FBLN7: variants seen among roughly 807,000 people sequenced by gnomAD.
The protein encoded by FBLN7 is fibulin-7.
A neutral mutation model predicts 44.0 loss-of-function variants in FBLN7; 31 were observed. The ratio of observed to expected loss-of-function variants is 0.70; its 90% confidence interval spans 0.53 to 0.95. FBLN7 has a LOEUF of 0.95. Among genes scored for constraint, FBLN7 ranks in the 40% least tolerant of loss-of-function variants. The pLI is 0.00. For synonymous variants in FBLN7, 262 were observed against 253.4 expected (o/e 1.03, Z -0.32); for missense variants, 573 against 618.5 (o/e 0.93, Z 0.78).
intron 3 of FBLN7, among the ~76,000 whole-genome samples, chr2:112,167,149 C>T (rs1573803743): frequency 6.6e-6 from 1 of 152,186 alleles, no homozygotes; most frequent in East Asian, 1.9e-4. Flanking sequence ...CTTGCTTGCT[C>T]AGATATTATC....
chr2:112,236,047 T>C, the FBLN7 span, among the ~76,000 whole-genome samples: 13 of 151,666 alleles, frequency 8.6e-5, no homozygotes, highest in South Asian at 1.5e-3. Context: ...GTGGATCACC[T>C]GAGGTCAGGA....
the FBLN7 span, among the ~76,000 whole-genome samples, chr2:112,218,100 A>C: frequency 2.0e-5 from 3 of 152,244 alleles, no homozygotes; most frequent in Non-Finnish European, 4.4e-5. Flanking sequence ...AAAACAACTC[A>C]TTCAGCTTGC....
rs1279377132 is a variant in FBLN7, at chr2:112,185,215, G to A, written c.823G>A (p.Val275Met). 4.3e-6 allele frequency: 7 copies of A among 1,613,582 alleles called. No homozygotes were observed. The highest frequency in any genetic ancestry group is 4.0e-5 in the African/African-American group (3 of 74,904). Residue 275 changes from valine (V) to methionine (M), a missense_variant, in exon 7 of 8, where the codon GTG becomes ATG. By Grantham distance (21) the Val-to-Met change is conservative. Coordinates refer to ENST00000331203, the MANE Select transcript of FBLN7 (RefSeq NM_153214.3). ...GKSCEDVDEC[V>M]GLQPVCPQGT... ...CTGTATCTCAGATGTGGATGAATGT[G>A]TGGGCCTGCAGCCGGTGTGCCCCCA... is the stretch of plus-strand genomic sequence containing the variant.
chr2:112,196,628 C>G, the FBLN7 span, among the ~76,000 whole-genome samples: 2 of 152,174 alleles, frequency 1.3e-5, no homozygotes, highest in African/African-American at 4.8e-5. Flanking sequence ...GTTAGAATAT[C>G]CTTTCCAGCA....
the FBLN7 span, among the ~76,000 whole-genome samples, chr2:112,234,941 GAGATGCTC>G: frequency 6.6e-6 from 1 of 152,130 alleles, no homozygotes; most frequent in African/African-American, 2.4e-5. Context: ...TAGTTTCAAT[GAGATGCTC>G]ACTGGGTGTG....
the FBLN7 span, chr2:112,236,678 TA>T: frequency 6.2e-7 from 1 of 1,611,086 alleles, no homozygotes; most frequent in Non-Finnish European, 8.5e-7. Flanking sequence ...TTAAGATTTT[TA>T]TTTTTTTGTT....
chr2:112,211,389 G>A, the FBLN7 span: 2 of 152,110 alleles, frequency 1.3e-5, no homozygotes, highest in Non-Finnish European at 2.9e-5. Flanking sequence ...TATACACTAG[G>A]GAAGAGGAAT....
intron 1 of FBLN7, among the ~76,000 whole-genome samples, chr2:112,157,435 C>T (rs946747340): frequency 3.9e-5 from 6 of 152,050 alleles, no homozygotes; most frequent in African/African-American, 1.2e-4. Context: ...TAACCATCAT[C>T]GTCTTGATGT....
At position 112,142,531 on chromosome 2, in the gene FBLN7, C is replaced by T. The variant is rs142232488; in HGVS notation, c.75+3801C>T. 5.9e-5 allele frequency among the ~76,000 whole-genome samples: 9 copies of T among 152,226 alleles called. No individual in the cohort carries two copies. The East Asian group carries it at 1.7e-3, about 29-fold the overall frequency. On this transcript the variant is annotated intron_variant, in intron 1 of 7. Coordinates refer to ENST00000331203, the MANE Select transcript of FBLN7 (RefSeq NM_153214.3). ...AAGTTTGGAGAATGAGCTGTGCCCA[C>T]AGGATCATATCTTGCCATGGAGGAG... is the stretch of plus-strand genomic sequence containing the variant.
At chr2:112,196,703 T>C in the FBLN7 span, among the ~76,000 whole-genome samples, 1 of 152,168 alleles carries the variant, frequency 6.6e-6, no homozygotes, top group Non-Finnish European at 1.5e-5. Context: ...AGGAGCATAA[T>C]AGGCTTTGTG....
the FBLN7 span, among the ~76,000 whole-genome samples, chr2:112,242,635 G>A: frequency 3.9e-5 from 6 of 152,062 alleles, no homozygotes; most frequent in Admixed American, 2.6e-4. Context: ...CAAGTCAGAC[G>A]GCAAATCACT....
chr2:112,180,823 T>C (rs894735528), intron 4 of FBLN7, among the ~76,000 whole-genome samples: 7 of 143,472 alleles, frequency 4.9e-5, no homozygotes, highest in Non-Finnish European at 7.4e-5. Flanking sequence ...CTTAGGAGGC[T>C]GAGGCAGGAG....
In FBLN7 at chr2:112,170,139, G is replaced by T. The variant is rs1039501437; in HGVS notation, c.406+4968G>T. ...CGCCTGTAATCTCAGCTACTTGGGA[G>T]GCTGAGGCAGAAGAATCGCTTGAAC... On this transcript the variant is annotated intron_variant, in intron 3 of 7. Transcript: ENST00000331203. 2.6e-5 allele frequency among the ~76,000 whole-genome samples: 4 copies of T among 152,230 alleles called. No homozygotes were observed. The East Asian group carries it at 7.7e-4, about 29-fold the overall frequency.
At chr2:112,182,123 G>T in intron 5 of FBLN7, 1 of 520,522 alleles carries the variant, frequency 1.9e-6, no homozygotes, top group Non-Finnish European at 3.3e-6. Context: ...ACACGCGCTT[G>T]GTTCAGGAGA....
chr2:112,226,589 CAA>C, the FBLN7 span, among the ~76,000 whole-genome samples: 8 of 74,178 alleles, frequency 1.1e-4, no homozygotes, highest in East Asian at 9.4e-4. Flanking sequence ...GACTCCATCT[CAA>C]AAAAAAAAAA....
intron 4 of FBLN7, among the ~76,000 whole-genome samples, chr2:112,180,154 C>A (rs1399949763): frequency 6.6e-6 from 1 of 152,106 alleles, no homozygotes; most frequent in Non-Finnish European, 1.5e-5. Flanking sequence ...AAACAAACAA[C>A]CCCATTAAAA....
intron 3 of FBLN7, among the ~76,000 whole-genome samples, chr2:112,167,869 C>CGTTATGTTATATTATTTATGTTAT (rs1682242603): frequency 2.3e-5 from 3 of 132,826 alleles, no homozygotes; most frequent in Non-Finnish European, 3.2e-5. Flanking sequence ...AGGAAAGACA[C>CGTTATGTTATATTATTTATGTTAT]GTTATGTTAT....
chr2:112,139,099 T>C (rs1179094519), intron 1 of FBLN7, among the ~76,000 whole-genome samples: 2 of 59,110 alleles, frequency 3.4e-5, no homozygotes, highest in Admixed American at 1.7e-4. Flanking sequence ...TCCAGGCCAG[T>C]GTCCCTCCCG....
At chr2:112,176,664 T>G (rs1682750970) in intron 4 of FBLN7, 1 of 152,230 alleles carries the variant, frequency 6.6e-6, no homozygotes, top group Non-Finnish European at 1.5e-5. Context: ...TAATATGCCC[T>G]GATTCAGTTC....
Sources: gnomAD v4.1 joint callset for allele counts (sites outside exome capture counted in the v4.1 genomes callset) on GRCh38, gnomAD v4.1.1 for gene constraint, MANE v1.5 for transcripts, NCBI Gene and HGNC (gene_info 2026-07-23, HGNC 2026-07-21) for gene names.